The following ABI3BP variants were observed in gnomAD, a reference collection of about 807,000 sequenced individuals.
ABI3BP encodes the protein ABI family member 3 binding protein.
ABI3BP carries 216 observed loss-of-function variants against 268.6 expected under a neutral mutation model. The observed-to-expected ratio is 0.80, with a 90% CI of 0.72 to 0.90. ABI3BP has a LOEUF of 0.90. Ranked by LOEUF, ABI3BP falls within the 40% of genes least tolerant of loss-of-function variation. ABI3BP has a pLI of 0.00. For synonymous variants in ABI3BP, 730 were observed against 730.0 expected, an observed-to-expected ratio of 1.00 and a Z score of 0.00; for missense variants, 2,090 against 2,182.4, an observed-to-expected ratio of 0.96 and a Z score of 0.84.
intron 51 of ABI3BP, among the ~76,000 whole-genome samples, chr3:100,798,880 T>G (rs1339000719): frequency 1.3e-5 from 2 of 152,202 alleles, no homozygotes; most frequent in African/African-American, 4.8e-5. Context: ...CTTTAATCTA[T>G]ACTCTCTATT....
chr3:100,759,271 T>C, intron 63 of ABI3BP, among the ~76,000 whole-genome samples: 1 of 151,836 alleles, frequency 6.6e-6, no homozygotes, highest in East Asian at 1.9e-4. Context: ...ACAAGTAGAA[T>C]AAGAAAAAAA....
chr3:100,936,281 T>C (rs1173705760), intron 1 of ABI3BP, among the ~76,000 whole-genome samples: 1 of 152,236 alleles, frequency 6.6e-6, no homozygotes, highest in African/African-American at 2.4e-5. Context: ...ATTACATTTA[T>C]TAATTTGCGT....
intron 9 of ABI3BP, among the ~76,000 whole-genome samples, chr3:100,873,969 G>A (rs1458159848): frequency 6.6e-6 from 1 of 152,172 alleles, no homozygotes; most frequent in Non-Finnish European, 1.5e-5. Context: ...GCCTAGCTCA[G>A]GGAATACATT....
At chr3:100,820,190 G>T in intron 40 of ABI3BP, 30 bp downstream of exon 40, 1 of 1,496,648 alleles carries the variant, frequency 6.7e-7, no homozygotes, top group Non-Finnish European at 9.0e-7. Flanking sequence ...CAGCTAGGAT[G>T]AGCTACTTTA....
chr3:100,854,816 G>C (rs894073286), intron 14 of ABI3BP, among the ~76,000 whole-genome samples: 10 of 151,488 alleles, frequency 6.6e-5, no homozygotes, highest in Admixed American at 6.5e-4. Context: ...AAATAGTAAT[G>C]ACTTACAGTC....
At position 100,882,154 on chromosome 3, in the gene ABI3BP, A is replaced by T. The variant is rs189633288; in HGVS notation, c.696+3382T>A. On this transcript the variant is annotated intron_variant, in intron 6 of 67. Transcript: ENST00000471714. The stretch of plus-strand genomic sequence containing the variant: ...GGTGTAAGCATGTTCATATGAATAA[A>T]AAAAGTTTTCAATGTGTCTTTTTGC... 1.2e-3 allele frequency among the ~76,000 whole-genome samples: 190 copies of T among 152,318 alleles called. 1 individual carries two copies. The highest frequency in any genetic ancestry group is 4.3e-3 in the African/African-American group (179 of 41,574).
chr3:100,858,999 T>C (rs574189329), intron 14 of ABI3BP, among the ~76,000 whole-genome samples: 4 of 152,166 alleles, frequency 2.6e-5, no homozygotes, highest in African/African-American at 7.2e-5. Flanking sequence ...TCCCAATTTC[T>C]GACTGCATCC....
At chr3:100,796,521 T>C in intron 51 of ABI3BP, 53 bp from the exon 52 acceptor site, 2 of 1,367,556 alleles carry the variant, frequency 1.5e-6, no homozygotes, top group Non-Finnish European at 1.0e-6. Flanking sequence ...CCAACTGGAG[T>C]GAGCTTAACC....
At chr3:100,844,702 T>C (rs942813213) in intron 20 of ABI3BP, among the ~76,000 whole-genome samples, 1 of 152,072 alleles carries the variant, frequency 6.6e-6, no homozygotes, top group South Asian at 2.1e-4. Flanking sequence ...CCTGTGTTGC[T>C]ATGGACCATT....
At chr3:100,909,023 T>C (rs903488083) in intron 2 of ABI3BP, among the ~76,000 whole-genome samples, 1 of 152,012 alleles carries the variant, frequency 6.6e-6, no homozygotes, top group African/African-American at 2.4e-5. Flanking sequence ...CAAGGCTACA[T>C]TAACCAAAAC....
In ABI3BP at chr3:100,919,115, C is replaced by T. The variant is rs1176328222; in HGVS notation, c.259+7187G>A. On this transcript the variant is annotated intron_variant, in intron 2 of 67. Coordinates refer to ENST00000471714, the MANE Select transcript of ABI3BP (RefSeq NM_001375547.2). ...CAGGAAGAGAGGGCTCAGCTGGCTT[C>T]AATGGCTGGTACTACATCATTTCCT... is the stretch of plus-strand genomic sequence containing the variant. Among the ~76,000 whole-genome samples the T allele has an allele frequency of 3.3e-5, 5 of 152,336 alleles. No individual in the cohort carries two copies. The East Asian group carries it at 9.6e-4, about 29-fold the overall frequency.
At chr3:100,798,817 G>C (rs1218544937) in intron 51 of ABI3BP, among the ~76,000 whole-genome samples, 1 of 152,176 alleles carries the variant, frequency 6.6e-6, no homozygotes, top group Non-Finnish European at 1.5e-5. Context: ...GCTACAAAGA[G>C]ACTGATTCTC....
intron 6 of ABI3BP, among the ~76,000 whole-genome samples, chr3:100,882,458 A>AT (rs201694576): frequency 2.5e-4 from 37 of 146,380 alleles, no homozygotes; most frequent in African/African-American, 7.2e-4. Context: ...ATATATATAT[A>AT]TATTTTTTTT....
At chr3:100,753,956 C>G in intron 64 of ABI3BP, 108 bp from the exon 65 acceptor site, 2 of 1,104,392 alleles carry the variant, frequency 1.8e-6, no homozygotes, top group Non-Finnish European at 1.3e-6. Context: ...GTCTTATTTG[C>G]AAAATGGTAC....
At chr3:100,973,524 AG>A (rs1034119596) in intron 1 of ABI3BP, among the ~76,000 whole-genome samples, 10 of 152,226 alleles carry the variant, frequency 6.6e-5, no homozygotes, top group African/African-American at 2.4e-4. Context: ...AAGCAGAGTA[AG>A]GGCTAAAACA....
intron 51 of ABI3BP, among the ~76,000 whole-genome samples, chr3:100,802,898 A>G (rs1049260958): frequency 7.5e-6 from 1 of 133,846 alleles, no homozygotes; most frequent in African/African-American, 2.5e-5. Flanking sequence ...CCTGGTAAAC[A>G]AAGTATTGGG....
chr3:100,770,834 G>C lies in ABI3BP; in HGVS notation c.4650C>G (p.Asn1550Lys). 6.2e-7 allele frequency: 1 copy of C among 1,603,200 alleles called. No individual in the cohort carries two copies. ...TEGNATSPPQNPPTNLTVVTV... is the reference protein window; with the variant it reads ...TEGNATSPPQKPPTNLTVVTV... Reference sequence around the variant, plus strand: ...TGACCACAGTGAGGTTGGTGGGTGGGTTCTGTGGTGGGCTGGTGGCATTCC... The same window carrying C: ...TGACCACAGTGAGGTTGGTGGGTGGCTTCTGTGGTGGGCTGGTGGCATTCC... Residue 1550 changes from asparagine (N) to lysine (K), a missense_variant, in exon 62 of 68, where the codon AAC becomes AAG. Transcript: ENST00000471714.
At chr3:100,969,099 T>C (rs1304703533) in intron 1 of ABI3BP, among the ~76,000 whole-genome samples, 1 of 152,154 alleles carries the variant, frequency 6.6e-6, no homozygotes, top group Non-Finnish European at 1.5e-5. Flanking sequence ...CGGGGAAGCA[T>C]AGACATGGTC....
intron 7 of ABI3BP, 60 bp downstream of exon 7, chr3:100,876,452 A>T: frequency 7.1e-7 from 1 of 1,413,594 alleles, no homozygotes; most frequent in Non-Finnish European, 9.8e-7. Context: ...GTGTTTGATT[A>T]CCTTAGCTAA....
Sources: allele counts gnomAD v4.1 joint callset (sites outside exome capture counted in the v4.1 genomes callset), GRCh38; gene constraint gnomAD v4.1.1; transcripts MANE v1.5; gene names NCBI Gene and HGNC (gene_info 2026-07-23, HGNC 2026-07-21).